FER1L5: variants seen among roughly 807,000 people sequenced by gnomAD.
FER1L5 encodes fer-1 like family member 5, also known as fer-1-like protein 5.
FER1L5 carries 187 observed loss-of-function variants against 279.9 expected under a neutral mutation model. The observed-to-expected ratio is 0.67, with a 90% CI of 0.59 to 0.75. The LOEUF is 0.75. Among genes scored for constraint, FER1L5 ranks in the 30% least tolerant of loss-of-function variants. The pLI is 0.00. For synonymous variants in FER1L5, 921 were observed against 989.7 expected (o/e 0.93, Z 1.30); for missense variants, 2,091 against 2,594.4 (o/e 0.81, Z 4.21).
chr2:96,672,830 C>G (rs938714420), intron 18 of FER1L5, among the ~76,000 whole-genome samples: 5 of 152,256 alleles, frequency 3.3e-5, no homozygotes, highest in East Asian at 3.9e-4. Flanking sequence ...GACCACCCCC[C>G]TCCCCAGCCA....
At chr2:96,647,940 T>C in intron 4 of FER1L5, 54 bp downstream of exon 4, 1 of 1,401,584 alleles carries the variant, frequency 7.1e-7, no homozygotes, top group Non-Finnish European at 9.9e-7. Flanking sequence ...TGAGGGGAGC[T>C]GGTGAAGCGG....
rs755400115 is a variant in FER1L5, at chr2:96,695,651, T to C, written c.3884T>C (p.Val1295Ala). The C allele has an allele frequency of 2.5e-6, 4 of 1,606,574 alleles. No individual in the cohort carries two copies. Among genetic ancestry groups the C allele is most frequent in the Non-Finnish European group, 3.4e-6 (4 of 1,176,118 alleles). Residue 1295 changes from valine (V) to alanine (A), a missense_variant, in exon 35 of 53, where the codon GTC becomes GCC. Coordinates refer to ENST00000624922, the MANE Select transcript of FER1L5 (RefSeq NM_001293083.2). ...TTCCCCGAGTCTGAGTCTGTCCTAG[T>C]CCTCACAGTGGTAAGAGGCCCCAGG... ...PNFPESESVL[V>A]LTVLMPTEEA...
At chr2:96,703,485 T>A (rs551056230) in intron 50 of FER1L5, 38 bp from the exon 51 acceptor site, 1 of 1,612,464 alleles carries the variant, frequency 6.2e-7, no homozygotes, top group South Asian at 1.1e-5. Flanking sequence ...GCTCCTGCTG[T>A]CTGCACTCAG....
chr2:96,647,273 G>T, intron 3 of FER1L5, 118 bp downstream of exon 3: 3 of 1,122,748 alleles, frequency 2.7e-6, no homozygotes, highest in Non-Finnish European at 3.8e-6. Context: ...ACTCCAGCCA[G>T]CTAAAAAGAA....
At chr2:96,659,555 A>T (rs1438749084) in intron 9 of FER1L5, among the ~76,000 whole-genome samples, 2 of 144,482 alleles carry the variant, frequency 1.4e-5, no homozygotes, top group Non-Finnish European at 3.0e-5. Context: ...GCAGTGGCGC[A>T]ATCTCGGCTC....
At chr2:96,665,180 T>G (rs948918242) in intron 14 of FER1L5, among the ~76,000 whole-genome samples, 1 of 152,196 alleles carries the variant, frequency 6.6e-6, no homozygotes, top group African/African-American at 2.4e-5. Flanking sequence ...AGCTGAGAGA[T>G]AACTTGAGCT....
chr2:96,667,489 A>C (rs547189493), intron 14 of FER1L5, among the ~76,000 whole-genome samples: 2 of 152,124 alleles, frequency 1.3e-5, no homozygotes, highest in Non-Finnish European at 2.9e-5. Context: ...CTGGGATTAC[A>C]GGCATGCGCC....
chr2:96,699,162 C>T, intron 42 of FER1L5, 26 bp downstream of exon 42: 1 of 1,584,614 alleles, frequency 6.3e-7, no homozygotes, highest in Non-Finnish European at 8.6e-7. Flanking sequence ...CCCCAAGACC[C>T]CTTCTCCACT....
intron 20 of FER1L5, among the ~76,000 whole-genome samples, chr2:96,685,074 A>G (rs944618820): frequency 2.0e-5 from 3 of 152,052 alleles, no homozygotes; most frequent in African/African-American, 7.2e-5. Context: ...TGTGGAGGTC[A>G]GGGCTCTGCA....
chr2:96,648,866 G>A (rs1326182328), intron 4 of FER1L5, among the ~76,000 whole-genome samples: 2 of 152,176 alleles, frequency 1.3e-5, no homozygotes, highest in African/African-American at 2.4e-5. Flanking sequence ...TGCGTTTATC[G>A]GGATGTGATC....
intron 6 of FER1L5, 119 bp downstream of exon 6, chr2:96,650,408 C>A: frequency 1.2e-6 from 1 of 802,550 alleles, no homozygotes; most frequent in Non-Finnish European, 2.0e-6. Flanking sequence ...TCAGACCCAG[C>A]TTCTGGCCCT....
chr2:96,689,089 C>A lies in FER1L5; in HGVS notation c.2362-124C>A. 8.2e-7 allele frequency: 1 copy of A among 1,216,594 alleles called. No individual in the cohort carries two copies. Among genetic ancestry groups the A allele is most frequent in the Non-Finnish European group, 1.1e-6 (1 of 887,506 alleles). The allele number at this position is 1,216,594 out of a possible 1,614,324, so 75.4% of individuals were successfully genotyped here. On this transcript the variant is annotated intron_variant, in intron 24 of 52. Transcript: ENST00000624922. This position sits in a 1 kb window ranked among gnomAD's most constrained non-coding sequence, Gnocchi z 4.6. ...CTGTGCAATGGGGACATGGCCCTTTCTTGCCTGGCTACCACATTTTTAGGA... is the reference window on the plus strand; with the variant it reads ...CTGTGCAATGGGGACATGGCCCTTTATTGCCTGGCTACCACATTTTTAGGA...
At position 96,702,756 on chromosome 2, in the gene FER1L5, G is replaced by C. The variant is rs761971424; in HGVS notation, c.5397+15G>C. On this transcript the variant is annotated intron_variant, in intron 48 of 52. Transcript: ENST00000624922. This position sits in a 1 kb window ranked among gnomAD's most constrained non-coding sequence, Gnocchi z 4.0. ...AGAGCCAGAAGGTAACAGGCCTGGGGCGTGAGGGGCAACAGGCCACAACAA... is the reference window on the plus strand; with the variant it reads ...AGAGCCAGAAGGTAACAGGCCTGGGCCGTGAGGGGCAACAGGCCACAACAA... The C allele has an allele frequency of 6.2e-6, 10 of 1,611,562 alleles. No homozygotes were observed. The East Asian group carries it at 1.3e-4, about 22-fold the overall frequency.
At chr2:96,695,046 C>CT (rs1218692392) in intron 34 of FER1L5, 2 of 157,406 alleles carry the variant, frequency 1.3e-5, no homozygotes, top group African/African-American at 4.8e-5. Context: ...CAGCTATTTC[C>CT]TGGCAGGATG....
At position 96,690,536 on chromosome 2, in the gene FER1L5, G is replaced by A. The variant is rs1426671745; in HGVS notation, c.2690G>A (p.Trp897Ter). 1 of 1,551,662 alleles carries A rather than the reference G, an allele frequency of 6.4e-7. No individual in the cohort carries two copies. Among genetic ancestry groups the A allele is most frequent in the South Asian group, 1.2e-5 (1 of 84,062 alleles). ...GAGAACGTGAAGTGCCCCCAAGGCT[G>A]GCACTTTAAGAAGGACTGGGTGGTG... Reference protein sequence around the residue: ...ARENVKCPQGWHFKKDWVVEL... With the variant: ...ARENVKCPQG The change falls in exon 27 of 53, where the codon TGG becomes TAG. Residue 897 changes from tryptophan (W) to a stop codon, truncating the protein, a stop_gained. Transcript: ENST00000624922. LOFTEE classifies it high-confidence loss of function.
intron 19 of FER1L5, among the ~76,000 whole-genome samples, chr2:96,673,610 A>C (rs1245822717): frequency 6.6e-6 from 1 of 151,250 alleles, no homozygotes; most frequent in Non-Finnish European, 1.5e-5. Context: ...CAGCCACTCA[A>C]CTCCCACCCA....
At position 96,702,639 on chromosome 2, in the gene FER1L5, C is replaced by T; in HGVS notation, c.5295C>T (p.Asp1765=). 1 of 1,597,776 alleles carries T rather than the reference C, an allele frequency of 6.3e-7. No individual in the cohort carries two copies. The highest frequency in any genetic ancestry group is 8.5e-7 in the Non-Finnish European group (1 of 1,172,308). Residue 1765 remains aspartate (D), a synonymous_variant, in exon 48 of 53, where the codon GAC becomes GAT. Transcript: ENST00000624922. This position sits in a 1 kb window ranked among gnomAD's most constrained non-coding sequence, Gnocchi z 4.0. Reference sequence around the variant, plus strand: ...TGGAGAAGGACATGCAGAAGACAGACATCCACTACCACTCGCTGACTGGGG... The same window carrying T: ...TGGAGAAGGACATGCAGAAGACAGATATCCACTACCACTCGCTGACTGGGG... ...YGLEKDMQKT[D]IHYHSLTGEA...
chr2:96,704,292 T>C lies in FER1L5; in HGVS notation c.5879T>C (p.Phe1960Ser), dbSNP rs1187403584. 7 of 1,613,910 alleles carry C rather than the reference T, an allele frequency of 4.3e-6. 1 individual carries two copies. Among genetic ancestry groups the C allele is most frequent in the African/African-American group, 1.3e-5 (1 of 74,910 alleles). Residue 1960 changes from phenylalanine to serine, a missense_variant, in exon 52 of 53, where the codon TTC (phenylalanine) becomes TCC (serine). Transcript: ENST00000624922. The stretch of plus-strand genomic sequence containing the variant: ...TATATTTTCTGGAAACGCTATCGCT[T>C]CAAACTCATAGCCTTTATGGTCATA... ...FCYIFWKRYR[F>S]KLIAFMVISI...
In FER1L5 at chr2:96,669,132, G is replaced by A; in HGVS notation, c.1357G>A (p.Gly453Ser). The A allele has an allele frequency of 6.4e-7, 1 of 1,551,552 alleles. No individual in the cohort carries two copies. Among genetic ancestry groups the A allele is most frequent in the Non-Finnish European group, 8.7e-7 (1 of 1,146,966 alleles). The stretch of plus-strand genomic sequence containing the variant: ...GGCCCCTTTCAGGATCCAGGAAGAA[G>A]GCGCTGTAAGCTTCTCACATCAGCT... ...KKAPFRIQEE[G>S]ACIPDSVRDG... The change falls in exon 17 of 53, where the codon GGC (glycine) becomes AGC (serine). Residue 453 changes from glycine (G) to serine (S), a missense_variant. Gly to Ser is a moderately conservative substitution (Grantham distance 56). Transcript: ENST00000624922.
Sources: gnomAD v4.1 joint callset for allele counts (sites outside exome capture counted in the v4.1 genomes callset) on GRCh38, gnomAD v4.1.1 for gene constraint, Gnocchi (gnomAD v3.1) non-coding constraint, MANE v1.5 for transcripts, NCBI Gene and HGNC (gene_info 2026-07-23, HGNC 2026-07-21) for gene names.